STARD13: variants seen among roughly 807,000 people sequenced by gnomAD.
The protein encoded by STARD13 is StAR related lipid transfer domain containing 13.
Under a neutral mutation model 106.4 loss-of-function variants are expected in STARD13, and 62 were observed. That is an observed-to-expected ratio of 0.58 (90% CI 0.48 to 0.72). The LOEUF is 0.72. Ranked by LOEUF, STARD13 falls within the 30% of genes least tolerant of loss-of-function variation. The pLI is 0.00. For synonymous variants in STARD13, 565 were observed against 553.0 expected, an observed-to-expected ratio of 1.02 and a Z score of -0.31; for missense variants, 1,387 against 1,424.0, an observed-to-expected ratio of 0.97 and a Z score of 0.42.
chr13:33,219,187 A>C (rs1360196684), intron 1 of STARD13, among the ~76,000 whole-genome samples: 1 of 152,188 alleles, frequency 6.6e-6, no homozygotes, highest in Admixed American at 6.5e-5. Flanking sequence ...AGTACGCCAC[A>C]GTTCCAGGGC....
chr13:33,545,222 A>G, the STARD13 span, among the ~76,000 whole-genome samples: 87 of 152,114 alleles, frequency 5.7e-4, no homozygotes, highest in Non-Finnish European at 9.1e-4. Context: ...GGCCTCTCAA[A>G]GTGCTGGGAT....
chr13:33,535,705 T>C, the STARD13 span, among the ~76,000 whole-genome samples: 3 of 152,254 alleles, frequency 2.0e-5, no homozygotes, highest in African/African-American at 7.2e-5. Flanking sequence ...TTCTTTCTCT[T>C]ACCACAAAAG....
the STARD13 span, among the ~76,000 whole-genome samples, chr13:33,580,227 T>C: frequency 6.6e-6 from 1 of 152,066 alleles, no homozygotes; most frequent in African/African-American, 2.4e-5. Flanking sequence ...TATTCAGTGA[T>C]TATCAATCCA....
At chr13:33,486,730 C>T in the STARD13 span, among the ~76,000 whole-genome samples, 1 of 152,186 alleles carries the variant, frequency 6.6e-6, no homozygotes, top group Non-Finnish European at 1.5e-5. Context: ...CTAACAACTC[C>T]TCTTCCAAAA....
chr13:33,622,649 T>C, the STARD13 span, among the ~76,000 whole-genome samples: 4 of 92,448 alleles, frequency 4.3e-5, no homozygotes, highest in African/African-American at 7.8e-5. Flanking sequence ...AGGCTGGGCG[T>C]GGTGGCTCAA....
chr13:33,143,772 C>T (rs979615766), intron 3 of STARD13, among the ~76,000 whole-genome samples: 5 of 151,998 alleles, frequency 3.3e-5, no homozygotes, highest in Admixed American at 6.6e-5. Flanking sequence ...AGGATGGTCT[C>T]GATCTCCTGA....
At chr13:33,659,236 T>TTTTA in the STARD13 span, among the ~76,000 whole-genome samples, 4,689 of 138,552 alleles carry the variant, frequency 0.034, 286 homozygotes, top group African/African-American at 0.081. Flanking sequence ...TTTTTTTTTT[T>TTTTA]ATGAAGTCTT....
At chr13:33,163,967 G>T (rs1883046760) in intron 3 of STARD13, among the ~76,000 whole-genome samples, 1 of 151,914 alleles carries the variant, frequency 6.6e-6, no homozygotes, top group South Asian at 2.1e-4. Context: ...CCTGCTTGCT[G>T]TGTACCTTAG....
the STARD13 span, among the ~76,000 whole-genome samples, chr13:33,467,269 T>A: frequency 4.7e-4 from 71 of 151,230 alleles, 1 homozygote; most frequent in African/African-American, 1.7e-3. Flanking sequence ...CAGTGACAGG[T>A]CATCAGGCAT....
chr13:33,208,041 G>A (rs1336670534), intron 1 of STARD13, among the ~76,000 whole-genome samples: 1 of 152,070 alleles, frequency 6.6e-6, no homozygotes, highest in Non-Finnish European at 1.5e-5. Flanking sequence ...GCCAATTTTG[G>A]GTAAGAGAAT....
chr13:33,120,256 G>A (rs1256046499), intron 7 of STARD13, among the ~76,000 whole-genome samples: 2 of 152,354 alleles, frequency 1.3e-5, no homozygotes, highest in South Asian at 4.1e-4. Flanking sequence ...TGTCGAGCAC[G>A]TTCCTCTTTT....
At chr13:33,352,653 T>G (rs1185410652), upstream of STARD13, among the ~76,000 whole-genome samples, 2 of 152,226 alleles carry the variant, frequency 1.3e-5, no homozygotes, top group African/African-American at 4.8e-5. Flanking sequence ...AAGACGGAAA[T>G]GATCTGCCTG....
At chr13:33,374,700 T>C in the STARD13 span, among the ~76,000 whole-genome samples, 10 of 152,190 alleles carry the variant, frequency 6.6e-5, no homozygotes, top group African/African-American at 2.4e-4. Flanking sequence ...TGAATAGAGA[T>C]GGTGGGGGCA....
chr13:33,477,325 T>A, the STARD13 span, among the ~76,000 whole-genome samples: 1 of 152,202 alleles, frequency 6.6e-6, no homozygotes, highest in African/African-American at 2.4e-5. Flanking sequence ...TTTACTTGGC[T>A]ATAAGACTTT....
chr13:33,585,807 ATAT>A, the STARD13 span, among the ~76,000 whole-genome samples: 1 of 152,262 alleles, frequency 6.6e-6, no homozygotes. Flanking sequence ...AACTTTGAAG[ATAT>A]TATGCTAAGT....
chr13:33,298,051 C>T (rs1244744033), intron 1 of STARD13, among the ~76,000 whole-genome samples: 1 of 151,930 alleles, frequency 6.6e-6, no homozygotes, highest in African/African-American at 2.4e-5. Flanking sequence ...AGGGACCTGC[C>T]CTCCTGCCTG....
the STARD13 span, among the ~76,000 whole-genome samples, chr13:33,506,365 C>T: frequency 6.6e-6 from 1 of 151,938 alleles, no homozygotes; most frequent in Admixed American, 6.6e-5. Context: ...GTTTGGCAGA[C>T]ATTTTCTCAA....
intron 3 of STARD13, among the ~76,000 whole-genome samples, chr13:33,152,686 C>T (rs1055159210): frequency 1.3e-5 from 2 of 152,194 alleles, no homozygotes; most frequent in Non-Finnish European, 2.9e-5. Context: ...ATACCTCCTC[C>T]GATGTCAATT....
chr13:33,115,526 C>G (rs1427190636), intron 8 of STARD13, among the ~76,000 whole-genome samples: 1 of 152,148 alleles, frequency 6.6e-6, no homozygotes. Flanking sequence ...AACTCAATAC[C>G]CATTCTTCCC....
Sources: allele counts gnomAD v4.1 joint callset (sites outside exome capture counted in the v4.1 genomes callset), GRCh38; gene constraint gnomAD v4.1.1; transcripts MANE v1.5; gene names NCBI Gene and HGNC (gene_info 2026-07-23, HGNC 2026-07-21).